Variants in VPS13C observed in about 807,000 individuals in gnomAD.
VPS13C encodes the protein intermembrane lipid transfer protein VPS13C.
VPS13C carries 358 observed loss-of-function variants against 456.8 expected under a neutral mutation model. That is an observed-to-expected ratio of 0.78 (90% CI 0.72 to 0.86). The LOEUF is 0.86. VPS13C is among the 40% of genes least tolerant of loss of function. The pLI is 0.00. For missense variants in VPS13C, 4,818 were observed against 4,385.4 expected (o/e 1.10, Z -2.79); for synonymous variants, 1,578 against 1,486.7 (o/e 1.06, Z -1.41).
chr15:62,003,305 A>C (rs1478983098), intron 15 of VPS13C, among the ~76,000 whole-genome samples: 2 of 150,892 alleles, frequency 1.3e-5, no homozygotes, highest in Admixed American at 6.6e-5. Context: ...TTCACTCATG[A>C]TTTGGCTCTC....
At chr15:61,944,584 G>A (rs2044542177) in intron 45 of VPS13C, among the ~76,000 whole-genome samples, 1 of 152,122 alleles carries the variant, frequency 6.6e-6, no homozygotes, top group Admixed American at 6.6e-5. Flanking sequence ...GCTAAACACT[G>A]GGTATTTCAT....
At position 61,991,045 on chromosome 15, in the gene VPS13C, G is replaced by C. The variant is rs1237472363; in HGVS notation, c.1533C>G (p.Ala511=). Residue 511 remains alanine, a synonymous_variant, in exon 18 of 85, where the codon GCC becomes GCG. Transcript: ENST00000644861. ...TPEEKDKLFT[A]IGYSESTHNL... The stretch of plus-strand genomic sequence containing the variant: ...TGTGGGTACTCTCACTATAACCAAT[G>C]GCAGTGAAGAGTTTATCTTTTTCCT... 7 of 1,612,454 alleles carry C rather than the reference G, an allele frequency of 4.3e-6. No homozygotes were observed. Among genetic ancestry groups the C allele is most frequent in the Non-Finnish European group, 5.1e-6 (6 of 1,179,504 alleles).
chr15:62,038,176 A>C (rs1487794111), intron 3 of VPS13C, among the ~76,000 whole-genome samples: 2 of 152,320 alleles, frequency 1.3e-5, no homozygotes, highest in Middle Eastern at 3.4e-3. Context: ...TGAAACTATA[A>C]AATTCCTAGA....
chr15:61,979,082 C>T (rs1327058540), intron 22 of VPS13C, among the ~76,000 whole-genome samples: 1 of 152,106 alleles, frequency 6.6e-6, no homozygotes, highest in Non-Finnish European at 1.5e-5. Flanking sequence ...CCCTGACCCC[C>T]ACCCTACACC....
chr15:61,911,069 T>C (rs1207628980), intron 63 of VPS13C, among the ~76,000 whole-genome samples: 1 of 152,182 alleles, frequency 6.6e-6, no homozygotes, highest in Admixed American at 6.5e-5. Context: ...TTTTGCCAAA[T>C]ATTTCTTAAG....
chr15:61,961,770 T>C lies in VPS13C; in HGVS notation c.3727A>G (p.Ile1243Val), dbSNP rs1460648913. 1.2e-6 allele frequency: 2 copies of C among 1,613,916 alleles called. No homozygotes were observed. The highest frequency in any genetic ancestry group is 2.2e-5 in the East Asian group (1 of 44,874). Residue 1243 changes from isoleucine to valine, a missense_variant, in exon 35 of 85, where the codon ATT becomes GTT. Physicochemically the swap from Ile to Val is conservative, Grantham distance 29. Transcript: ENST00000644861. ...ACTATAACCGGTGCTTTCAAATCAATATTGATGGAAACACGAAAACTCCTC... is the reference window on the plus strand; with the variant it reads ...ACTATAACCGGTGCTTTCAAATCAACATTGATGGAAACACGAAAACTCCTC... ...AQRSFRVSIN[I>V]DLKAPVIVIP... is the part of the protein sequence containing the mutation.
intron 74 of VPS13C, among the ~76,000 whole-genome samples, chr15:61,878,238 T>C (rs577786054): frequency 1.3e-5 from 2 of 152,012 alleles, no homozygotes; most frequent in South Asian, 4.1e-4. Flanking sequence ...AATACCATTG[T>C]TGAATTTCAA....
Position 61,858,760 on chromosome 15 carries a change from G to C in VPS13C, c.10953-2351C>G, listed in dbSNP as rs1225185583. The stretch of plus-strand genomic sequence containing the variant: ...GTTGGAATAAGGGTAGCTTCTAGGA[G>C]CTAAGAGCAGCTCGCTGGCTGACAG... On this transcript the variant is annotated intron_variant, in intron 82 of 84. Transcript: ENST00000644861. This position sits in a 1 kb window ranked among gnomAD's most constrained non-coding sequence, Gnocchi z 4.4. Among the ~76,000 whole-genome samples the C allele has an allele frequency of 6.6e-6, 1 of 152,226 alleles. No homozygotes were observed. The highest frequency in any genetic ancestry group is 6.5e-5 in the Admixed American group (1 of 15,282).
At chr15:62,047,242 G>A (rs980819885) in intron 1 of VPS13C, among the ~76,000 whole-genome samples, 1 of 151,686 alleles carries the variant, frequency 6.6e-6, no homozygotes, top group African/African-American at 2.4e-5. Flanking sequence ...TGGCCAACAT[G>A]GTGAAACCCC....
At position 61,907,498 on chromosome 15, in the gene VPS13C, T is replaced by A. The variant is rs2043184326; in HGVS notation, c.8979-108A>T. 1.4e-5 allele frequency: 20 copies of A among 1,396,128 alleles called. No individual in the cohort carries two copies. In the South Asian group the frequency reaches 2.6e-4, roughly 18 times the overall value. 86.5% of individuals were successfully genotyped at this position (1,396,128 alleles called of 1,614,324 possible). A position where few individuals can be genotyped will look rare whatever the true frequency, so the allele number is the denominator to read the frequency against. ...GCACAGAAGTCCTACGAAATTGCTG[T>A]GGTTAATAAAACACAACTCTACCTA... On this transcript the variant is annotated intron_variant, in intron 65 of 84. Coordinates refer to ENST00000644861, the MANE Select transcript of VPS13C (RefSeq NM_020821.3).
chr15:61,898,364 C>T (rs1219259901), intron 66 of VPS13C, among the ~76,000 whole-genome samples: 62 of 138,922 alleles, frequency 4.5e-4, no homozygotes, highest in South Asian at 1.2e-3. Flanking sequence ...ACCCATCTCA[C>T]GTGCAGAGAC....
At chr15:62,006,212 T>C (rs537692221) in intron 15 of VPS13C, among the ~76,000 whole-genome samples, 1 of 152,192 alleles carries the variant, frequency 6.6e-6, no homozygotes, top group East Asian at 1.9e-4. Context: ...CATTAACTCA[T>C]CATTTAGCAT....
At chr15:62,021,242 T>A (rs2047450181) in intron 8 of VPS13C, among the ~76,000 whole-genome samples, 1 of 151,890 alleles carries the variant, frequency 6.6e-6, no homozygotes, top group Non-Finnish European at 1.5e-5. Flanking sequence ...ACTTCACCAC[T>A]ATGCAGTATA....
At chr15:61,865,696 ATG>A (rs1203096179) in intron 81 of VPS13C, 3 of 380,806 alleles carry the variant, frequency 7.9e-6, no homozygotes, top group South Asian at 1.1e-4. Context: ...GTGTATATAT[ATG>A]TGTGTATATG....
chr15:62,010,098 G>C (rs1201043960), intron 13 of VPS13C, among the ~76,000 whole-genome samples: 1 of 152,002 alleles, frequency 6.6e-6, no homozygotes, highest in Non-Finnish European at 1.5e-5. Context: ...GCTGAGGTAG[G>C]AGAATGGCAT....
intron 66 of VPS13C, among the ~76,000 whole-genome samples, chr15:61,899,451 T>C (rs1301124443): frequency 6.6e-6 from 1 of 152,138 alleles, no homozygotes; most frequent in African/African-American, 2.4e-5. Context: ...AAATACAAAC[T>C]ACCTCTACGC....
At position 61,940,644 on chromosome 15, in the gene VPS13C, T is replaced by C. The variant is rs754532655; in HGVS notation, c.5601+3A>G. Reference sequence around the variant, plus strand: ...TTTCATATATTATATACTAGCTACTTACCTGCATAGGTTTTAGTTTTCCTT... The same window carrying C: ...TTTCATATATTATATACTAGCTACTCACCTGCATAGGTTTTAGTTTTCCTT... On this transcript the variant is annotated splice_donor_region_variant and intron_variant, in intron 47 of 84. Coordinates refer to ENST00000644861, the MANE Select transcript of VPS13C (RefSeq NM_020821.3). The C allele has an allele frequency of 3.1e-6, 5 of 1,612,166 alleles. No homozygotes were observed. In the East Asian group the frequency reaches 1.1e-4, roughly 36 times the overall value.
Position 61,982,704 on chromosome 15 carries a change from T to C in VPS13C, c.1915-131A>G, listed in dbSNP as rs1229628710. On this transcript the variant is annotated intron_variant, in intron 20 of 84. Coordinates refer to ENST00000644861, the MANE Select transcript of VPS13C (RefSeq NM_020821.3). ...GAACTCCTAAGATATTCTGTCCTAC[T>C]ACATCTCCCTTTGGAGTAAAAGAGA... 3 of 593,088 alleles carry C rather than the reference T, an allele frequency of 5.1e-6. No individual in the cohort carries two copies. The African/African-American group carries it at 5.6e-5, about 11-fold the overall frequency. 36.7% of individuals were successfully genotyped at this position (593,088 alleles called of 1,614,324 possible).
At chr15:61,956,738 G>A (rs1048932288) in intron 37 of VPS13C, among the ~76,000 whole-genome samples, 2 of 152,066 alleles carry the variant, frequency 1.3e-5, no homozygotes, top group East Asian at 1.9e-4. Context: ...AATAAAAACC[G>A]TAGTGAGATG....
Sources: allele counts gnomAD v4.1 joint callset (sites outside exome capture counted in the v4.1 genomes callset), GRCh38; gene constraint gnomAD v4.1.1; non-coding constraint Gnocchi (gnomAD v3.1); transcripts MANE v1.5; gene names NCBI Gene and HGNC (gene_info 2026-07-23, HGNC 2026-07-21).